The following QTMAN variants were observed in gnomAD, a reference collection of about 807,000 sequenced individuals.
QTMAN encodes the protein tRNA-queuosine alpha-mannosyltransferase.
At chr2:144,012,422 AAAG>A in the QTMAN span, among the ~76,000 whole-genome samples, 1 of 152,180 alleles carries the variant, frequency 6.6e-6, no homozygotes, top group African/African-American at 2.4e-5. Context: ...ATGGTAAGCA[AAAG>A]AAGTGCTCTG....
chr2:144,187,112 C>T, the QTMAN span, among the ~76,000 whole-genome samples: 1 of 152,174 alleles, frequency 6.6e-6, no homozygotes, highest in East Asian at 1.9e-4. Context: ...CAATCATCTA[C>T]GTGATTATTG....
chr2:144,313,924 GAACT>G, the QTMAN span, among the ~76,000 whole-genome samples: 5 of 151,096 alleles, frequency 3.3e-5, no homozygotes, highest in African/African-American at 1.2e-4. Flanking sequence ...CTACAAACTT[GAACT>G]AACAATGCAT....
the QTMAN span, among the ~76,000 whole-genome samples, chr2:143,984,373 T>C: frequency 2.1e-3 from 320 of 152,272 alleles, 1 homozygote; most frequent in Admixed American, 3.1e-3. Flanking sequence ...ATGATACCCT[T>C]AGATTTTCAG....
At chr2:144,194,853 C>T in the QTMAN span, among the ~76,000 whole-genome samples, 1 of 152,098 alleles carries the variant, frequency 6.6e-6, no homozygotes, top group African/African-American at 2.4e-5. Flanking sequence ...AGAAGAAAGA[C>T]TTCAGGTGAC....
the QTMAN span, among the ~76,000 whole-genome samples, chr2:144,004,410 T>C: frequency 6.6e-6 from 1 of 152,142 alleles, no homozygotes; most frequent in Non-Finnish European, 1.5e-5. Flanking sequence ...TGATGAATGC[T>C]GAACCAGAAT....
At chr2:144,112,704 C>T in the QTMAN span, among the ~76,000 whole-genome samples, 3 of 152,220 alleles carry the variant, frequency 2.0e-5, no homozygotes, top group Admixed American at 2.0e-4. Context: ...TTCTCCACCC[C>T]CACCAGTGCC....
the QTMAN span, among the ~76,000 whole-genome samples, chr2:144,304,191 A>G: frequency 6.6e-6 from 1 of 152,212 alleles, no homozygotes; most frequent in African/African-American, 2.4e-5. Context: ...CATGCACAGC[A>G]TTCAGCAGAG....
chr2:144,271,216 G>A, the QTMAN span, among the ~76,000 whole-genome samples: 32 of 152,146 alleles, frequency 2.1e-4, no homozygotes, highest in Non-Finnish European at 4.3e-4. Flanking sequence ...CTCAAATAAA[G>A]TAATTCCATG....
chr2:144,152,672 T>C, the QTMAN span, among the ~76,000 whole-genome samples: 1 of 152,198 alleles, frequency 6.6e-6, no homozygotes, highest in African/African-American at 2.4e-5. Flanking sequence ...CAAGGTAATA[T>C]GAACCAGAAC....
the QTMAN span, among the ~76,000 whole-genome samples, chr2:144,286,278 C>T: frequency 2.0e-5 from 3 of 152,180 alleles, no homozygotes; most frequent in Non-Finnish European, 4.4e-5. Flanking sequence ...TATATGTTGT[C>T]CTAGTTTTAA....
the QTMAN span, among the ~76,000 whole-genome samples, chr2:144,025,465 G>A: frequency 2.0e-5 from 3 of 152,280 alleles, no homozygotes; most frequent in Admixed American, 6.5e-5. Context: ...TATTTTTACC[G>A]TTTGTAAGGA....
chr2:144,176,451 A>G, the QTMAN span, among the ~76,000 whole-genome samples: 510 of 152,324 alleles, frequency 3.3e-3, 1 homozygote, highest in African/African-American at 0.01. Context: ...CAAAAAGTCT[A>G]TCACCACTAT....
At chr2:144,005,841 T>C in the QTMAN span, 1 of 152,116 alleles carries the variant, frequency 6.6e-6, no homozygotes, top group Admixed American at 6.5e-5. Context: ...CTTTCCTCCA[T>C]ATTGCTGTTT....
the QTMAN span, among the ~76,000 whole-genome samples, chr2:144,029,392 C>T: frequency 1.3e-5 from 2 of 151,976 alleles, no homozygotes; most frequent in Admixed American, 6.6e-5. Flanking sequence ...AATTTCTCAC[C>T]TTGCACTGTT....
At chr2:144,028,414 C>A in the QTMAN span, among the ~76,000 whole-genome samples, 1 of 152,192 alleles carries the variant, frequency 6.6e-6, no homozygotes, top group Non-Finnish European at 1.5e-5. Flanking sequence ...AAATATCAAA[C>A]TCTCAACCTA....
chr2:144,258,120 G>C, the QTMAN span, among the ~76,000 whole-genome samples: 2 of 150,250 alleles, frequency 1.3e-5, no homozygotes, highest in African/African-American at 4.9e-5. Flanking sequence ...AAAAAGAAGG[G>C]ACAGGCATTA....
At chr2:144,191,057 A>G in the QTMAN span, among the ~76,000 whole-genome samples, 1 of 152,212 alleles carries the variant, frequency 6.6e-6, no homozygotes. Context: ...TCCTCAAACC[A>G]GAGCTTCTCT....
chr2:144,002,244 T>C, the QTMAN span, among the ~76,000 whole-genome samples: 2 of 152,062 alleles, frequency 1.3e-5, no homozygotes, highest in East Asian at 3.9e-4. Context: ...TGTAATAAAA[T>C]GAGAAACACA....
chr2:144,228,578 G>C, the QTMAN span, among the ~76,000 whole-genome samples: 1 of 152,116 alleles, frequency 6.6e-6, no homozygotes, highest in African/African-American at 2.4e-5. Flanking sequence ...AAGGAGAATG[G>C]GGGGAGAGAA....
Sources: gnomAD v4.1 joint callset for allele counts (sites outside exome capture counted in the v4.1 genomes callset) on GRCh38, gnomAD v4.1.1 for gene constraint, MANE v1.5 for transcripts, NCBI Gene and HGNC (gene_info 2026-07-23, HGNC 2026-07-21) for gene names.